Variants in NIPAL3 observed in about 807,000 individuals in gnomAD.
NIPAL3 encodes NIPA-like protein 3.
NIPAL3 carries 41 observed loss-of-function variants against 47.2 expected under a neutral mutation model. The observed-to-expected ratio is 0.87, with a 90% CI of 0.68 to 1.13. NIPAL3 has a LOEUF of 1.13. Among genes scored for constraint, NIPAL3 ranks in the 50% most tolerant of loss-of-function variants. The pLI is 0.00. For synonymous variants in NIPAL3, 194 were observed against 209.6 expected, an observed-to-expected ratio of 0.93 and a Z score of 0.64; for missense variants, 449 against 530.1, an observed-to-expected ratio of 0.85 and a Z score of 1.50.
chr1:24,418,918 TTG>T (rs1316748513), intron 1 of NIPAL3, among the ~76,000 whole-genome samples: 2 of 144,118 alleles, frequency 1.4e-5, no homozygotes, highest in African/African-American at 4.9e-5. Flanking sequence ...GGTAGTGGAA[TTG>T]TTTTTTTTTT....
chr1:24,467,012 C>T (rs1261303181), intron 11 of NIPAL3, among the ~76,000 whole-genome samples: 1 of 152,208 alleles, frequency 6.6e-6, no homozygotes, highest in African/African-American at 2.4e-5. Flanking sequence ...GCAGATCCCA[C>T]CTTGGTCTCT....
intron 10 of NIPAL3, 129 bp downstream of exon 10, chr1:24,460,673 C>A (rs1368309169): frequency 2.9e-5 from 20 of 698,074 alleles, no homozygotes; most frequent in Non-Finnish European, 4.3e-5. Flanking sequence ...GGTTTTGGAG[C>A]TTTGTCCCCA....
At chr1:24,423,554 C>T (rs1010065765) in intron 2 of NIPAL3, among the ~76,000 whole-genome samples, 2 of 152,130 alleles carry the variant, frequency 1.3e-5, no homozygotes, top group South Asian at 4.2e-4. Context: ...GGCGTGAACC[C>T]GGGAGGCAGA....
intron 2 of NIPAL3, among the ~76,000 whole-genome samples, chr1:24,421,075 T>C (rs1644306427): frequency 6.6e-6 from 1 of 151,964 alleles, no homozygotes; most frequent in Non-Finnish European, 1.5e-5. Flanking sequence ...TTCAACACTT[T>C]GGGAAGCCAA....
At chr1:24,423,742 T>C (rs1644445638) in intron 2 of NIPAL3, among the ~76,000 whole-genome samples, 1 of 152,172 alleles carries the variant, frequency 6.6e-6, no homozygotes. Flanking sequence ...AGAGCCTTTA[T>C]TGTGTTTTTC....
At chr1:24,440,091 A>G (rs1645303727) in intron 2 of NIPAL3, 81 bp from the exon 3 acceptor site, 2 of 927,698 alleles carry the variant, frequency 2.2e-6, no homozygotes, top group East Asian at 2.9e-5. Context: ...TTGGGGCAGC[A>G]AATGGTTGAG....
In NIPAL3 at chr1:24,451,055, T is replaced by C. The variant is rs528595338; in HGVS notation, c.540+1429T>C. On this transcript the variant is annotated intron_variant, in intron 6 of 11. Transcript: ENST00000374399. This position sits in a 1 kb window ranked among gnomAD's most constrained non-coding sequence, Gnocchi z 4.5. ...CTGTGTGGCCTTAGCCAAGTCGCTT[T>C]CCTTCTCTGTTTCCCTCTCTGTAAA... 6.6e-6 allele frequency among the ~76,000 whole-genome samples: 1 copy of C among 152,346 alleles called. No individual in the cohort carries two copies. The highest frequency in any genetic ancestry group is 2.1e-4 in the South Asian group (1 of 4,826).
At position 24,451,826 on chromosome 1, in the gene NIPAL3, C is replaced by A. The variant is rs902385898; in HGVS notation, c.541-1582C>A. Among the ~76,000 whole-genome samples, 2 of 152,164 alleles carry A rather than the reference C, an allele frequency of 1.3e-5. No homozygotes were observed. The highest frequency in any genetic ancestry group is 2.9e-5 in the Non-Finnish European group (2 of 68,032). On this transcript the variant is annotated intron_variant, in intron 6 of 11. Coordinates refer to ENST00000374399, the MANE Select transcript of NIPAL3 (RefSeq NM_020448.5). This position sits in a 1 kb window ranked among gnomAD's most constrained non-coding sequence, Gnocchi z 4.5. ...CACATCCACTTGATGAAGTATTCTG[C>A]AGCAATTAAAGATAATTATGACAAC...
At chr1:24,463,829 G>A (rs887309540) in intron 10 of NIPAL3, among the ~76,000 whole-genome samples, 197 bp from the exon 11 acceptor site, 1 of 152,018 alleles carries the variant, frequency 6.6e-6, no homozygotes, top group Non-Finnish European at 1.5e-5. Flanking sequence ...GGCCACTCCA[G>A]CTATTGTTAT....
Position 24,453,428 on chromosome 1 carries a change from C to G in NIPAL3, c.561C>G (p.Phe187Leu). Reference protein sequence around the residue: ...LLYMLVEIILFCLLLYFYKEK... With the variant: ...LLYMLVEIILLCLLLYFYKEK... Reference sequence around the variant, plus strand: ...CACAGCTGGTGGAGATCATTCTGTTCTGCTTGCTGCTCTACTTCTACAAGG... The same window carrying G: ...CACAGCTGGTGGAGATCATTCTGTTGTGCTTGCTGCTCTACTTCTACAAGG... Residue 187 changes from phenylalanine to leucine, a missense_variant, in exon 7 of 12, where the codon TTC becomes TTG. Physicochemically the swap from Phe to Leu is conservative, Grantham distance 22. Coordinates refer to ENST00000374399, the MANE Select transcript of NIPAL3 (RefSeq NM_020448.5). The G allele has an allele frequency of 6.2e-7, 1 of 1,613,598 alleles. No individual in the cohort carries two copies.
Position 24,419,499 on chromosome 1 carries a change from C to A in NIPAL3, c.-49C>A. 6.5e-7 allele frequency: 1 copy of A among 1,528,286 alleles called. No homozygotes were observed. The highest frequency in any genetic ancestry group is 2.1e-5 in the Admixed American group (1 of 47,606). The allele number at this position is 1,528,286 out of a possible 1,614,324, so 94.7% of individuals were successfully genotyped here. Reference sequence around the variant, plus strand: ...ATCTGGCCTGGGCCCCGCCTAGCAGCAGCTCCACCTCCTAGGCCAGGCCCT... The same window carrying A: ...ATCTGGCCTGGGCCCCGCCTAGCAGAAGCTCCACCTCCTAGGCCAGGCCCT... On this transcript the variant is annotated 5_prime_UTR_variant, in exon 2 of 12. Coordinates refer to ENST00000374399, the MANE Select transcript of NIPAL3 (RefSeq NM_020448.5).
In NIPAL3 at chr1:24,469,022, A is replaced by G; in HGVS notation, c.1058A>G (p.Gln353Arg). 3.1e-6 allele frequency: 5 copies of G among 1,614,216 alleles called. No homozygotes were observed. The highest frequency in any genetic ancestry group is 3.3e-4 in the Middle Eastern group (2 of 6,062). ...QNMHDKGMTV[Q>R]PELKASFSYG... Reference sequence around the variant, plus strand: ...ATGCACGATAAAGGGATGACTGTCCAGCCTGAACTTAAAGCTTCTTTTTCC... The same window carrying G: ...ATGCACGATAAAGGGATGACTGTCCGGCCTGAACTTAAAGCTTCTTTTTCC... Residue 353 changes from glutamine to arginine, a missense_variant, in exon 12 of 12, where the codon CAG becomes CGG. Transcript: ENST00000374399.
rs74689678 is a variant in NIPAL3, at chr1:24,435,660, A to G, written c.94-4512A>G. Among the ~76,000 whole-genome samples the G allele has an allele frequency of 4.1e-3, 629 of 152,306 alleles. 5 individuals are homozygous for G. Among genetic ancestry groups the G allele is most frequent in the African/African-American group, 0.014 (592 of 41,562 alleles). On this transcript the variant is annotated intron_variant, in intron 2 of 11. Transcript: ENST00000374399. Reference sequence around the variant, plus strand: ...AAAAGCATAAACAACAAAACAATAGATAGATTAGACTTCATCAAAATTTAA... The same window carrying G: ...AAAAGCATAAACAACAAAACAATAGGTAGATTAGACTTCATCAAAATTTAA...
chr1:24,431,725 C>T (rs1343229124), intron 2 of NIPAL3, among the ~76,000 whole-genome samples: 1 of 151,992 alleles, frequency 6.6e-6, no homozygotes, highest in African/African-American at 2.4e-5. Flanking sequence ...TAGTCAGTTC[C>T]CCGATCCCAT....
At chr1:24,423,542 A>G (rs1644429715) in intron 2 of NIPAL3, among the ~76,000 whole-genome samples, 1 of 152,126 alleles carries the variant, frequency 6.6e-6, no homozygotes, top group Admixed American at 6.6e-5. Flanking sequence ...AGGCAGGAGA[A>G]TGGCGTGAAC....
At chr1:24,414,531 C>CTTTTTTTT (rs57135976), upstream of NIPAL3, 7 of 83,164 alleles carry the variant, frequency 8.4e-5, no homozygotes, top group South Asian at 4.6e-4. Flanking sequence ...GAAATCCAAG[C>CTTTTTTTT]TTTTTTTTTT....
At chr1:24,466,240 T>C (rs1364085750) in intron 11 of NIPAL3, 1 of 666,990 alleles carries the variant, frequency 1.5e-6, no homozygotes, top group African/African-American at 1.8e-5. Context: ...ACAAGGCCAC[T>C]CTGCAGCTGT....
intron 3 of NIPAL3, among the ~76,000 whole-genome samples, chr1:24,440,791 T>C (rs971755046): frequency 6.6e-6 from 1 of 152,106 alleles, no homozygotes; most frequent in African/African-American, 2.4e-5. Context: ...AGGACGTTAA[T>C]GCCCCTGGAG....
chr1:24,432,700 A>T (rs1644930090), intron 2 of NIPAL3, among the ~76,000 whole-genome samples: 1 of 152,224 alleles, frequency 6.6e-6, no homozygotes, highest in African/African-American at 2.4e-5. Context: ...ATTAGATGAT[A>T]ATAGTACCTG....
Sources: allele counts gnomAD v4.1 joint callset (sites outside exome capture counted in the v4.1 genomes callset), GRCh38; gene constraint gnomAD v4.1.1; non-coding constraint Gnocchi (gnomAD v3.1); transcripts MANE v1.5; gene names NCBI Gene and HGNC (gene_info 2026-07-23, HGNC 2026-07-21).